The following CRTAC1 variants were observed in gnomAD, a reference collection of about 807,000 sequenced individuals.
CRTAC1 encodes acidic secreted protein in cartilage.
A neutral mutation model predicts 67.8 loss-of-function variants in CRTAC1; 37 were observed. The ratio of observed to expected loss-of-function variants is 0.55; its 90% CI spans 0.42 to 0.72. The LOEUF (loss-of-function observed/expected upper bound fraction) is 0.72, where lower values mean the gene tolerates loss of function less well. Among genes scored for constraint, CRTAC1 ranks in the 30% least tolerant of loss-of-function variants. CRTAC1 has a pLI of 0.00. For missense variants in CRTAC1, 780 were observed against 931.6 expected (o/e 0.84, Z 2.12); for synonymous variants, 348 against 371.0 (o/e 0.94, Z 0.71).
chr10:98,016,428 G>A (rs1842999360), intron 1 of CRTAC1, among the ~76,000 whole-genome samples: 1 of 152,168 alleles, frequency 6.6e-6, no homozygotes, highest in South Asian at 2.1e-4. Context: ...CTAAAGAAAT[G>A]CTCCTCAAAA....
At chr10:97,979,675 C>A (rs2051861399) in intron 2 of CRTAC1, among the ~76,000 whole-genome samples, 1 of 152,112 alleles carries the variant, frequency 6.6e-6, no homozygotes, top group Non-Finnish European at 1.5e-5. Context: ...GGTTCTCAGC[C>A]CTGGCTGCAC....
At chr10:97,885,779 T>G (rs1293001510) in intron 11 of CRTAC1, among the ~76,000 whole-genome samples, 1 of 152,206 alleles carries the variant, frequency 6.6e-6, no homozygotes, top group East Asian at 1.9e-4. Flanking sequence ...GCTGAGCAGA[T>G]GTGGGGACAC....
rs377764920 is a variant in CRTAC1, at chr10:97,875,532, C to T, written c.1819+4717G>A. Among the ~76,000 whole-genome samples, 93 of 152,326 alleles carry T rather than the reference C, an allele frequency of 6.1e-4. 1 individual carries two copies. In the South Asian group the frequency reaches 0.019, roughly 31 times the overall value. On this transcript the variant is annotated intron_variant, in intron 14 of 14. Transcript: ENST00000370597. ...CCTTCCTTCCAGGATATGCCTGTTG[C>T]TACAGACACAACAGCAACTTCTGGC...
chr10:97,986,642 C>T (rs1384240933), intron 2 of CRTAC1, among the ~76,000 whole-genome samples: 3 of 152,180 alleles, frequency 2.0e-5, no homozygotes, highest in Non-Finnish European at 2.9e-5. Flanking sequence ...AAAAATCAGT[C>T]CTTTAAATAA....
chr10:97,928,738 C>G (rs944540665), intron 3 of CRTAC1, among the ~76,000 whole-genome samples: 2 of 152,116 alleles, frequency 1.3e-5, no homozygotes, highest in East Asian at 3.9e-4. Context: ...GTAACAACAG[C>G]AATGCACTCT....
At chr10:98,004,589 G>A (rs770051172) in intron 2 of CRTAC1, among the ~76,000 whole-genome samples, 1 of 152,002 alleles carries the variant, frequency 6.6e-6, no homozygotes, top group Non-Finnish European at 1.5e-5. Flanking sequence ...AGAAATATTT[G>A]CATATGTGTG....
At chr10:97,897,481 C>A (rs2050477882) in intron 8 of CRTAC1, among the ~76,000 whole-genome samples, 1 of 152,174 alleles carries the variant, frequency 6.6e-6, no homozygotes. Context: ...ATCTGATCTC[C>A]CCTGGTAGAA....
At chr10:97,896,103 A>G in intron 9 of CRTAC1, 118 bp from the exon 10 acceptor site, 1 of 842,480 alleles carries the variant, frequency 1.2e-6, no homozygotes, top group Non-Finnish European at 1.9e-6. Context: ...AAAGCACAGC[A>G]CCGGGGCAGG....
intron 6 of CRTAC1, 25 bp from the exon 7 acceptor site, chr10:97,904,839 C>T (rs760335470): frequency 4.9e-5 from 78 of 1,584,154 alleles, no homozygotes; most frequent in Non-Finnish European, 6.2e-5. Flanking sequence ...CAGGAACTCT[C>T]AGGGCGGCAT....
At chr10:97,919,737 T>C (rs969596166) in intron 4 of CRTAC1, among the ~76,000 whole-genome samples, 4 of 147,928 alleles carry the variant, frequency 2.7e-5, no homozygotes, top group Non-Finnish European at 4.4e-5. Flanking sequence ...CTGTGCAAAA[T>C]TGGAGTTTGA....
chr10:97,873,248 G>GA (rs572584639), intron 14 of CRTAC1, among the ~76,000 whole-genome samples: 118 of 152,306 alleles, frequency 7.7e-4, no homozygotes, highest in Admixed American at 1.5e-3. Flanking sequence ...AAGGACAGTT[G>GA]AAAGGAAGGG....
At chr10:97,972,930 T>G (rs2136654935) in intron 2 of CRTAC1, among the ~76,000 whole-genome samples, 1 of 152,162 alleles carries the variant, frequency 6.6e-6, no homozygotes, top group African/African-American at 2.4e-5. Flanking sequence ...CTCTCTGAAA[T>G]GGAATGTGTC....
At chr10:97,965,141 G>A (rs774665104) in intron 2 of CRTAC1, among the ~76,000 whole-genome samples, 2 of 152,240 alleles carry the variant, frequency 1.3e-5, no homozygotes, top group African/African-American at 2.4e-5. Context: ...AAAGAGACCT[G>A]TAGTCAGGAG....
At chr10:97,923,146 C>T in intron 4 of CRTAC1, 118 bp downstream of exon 4, 2 of 1,154,868 alleles carry the variant, frequency 1.7e-6, no homozygotes, top group Non-Finnish European at 2.5e-6. Flanking sequence ...GTATTTAGCA[C>T]CCAATCTATC....
At chr10:97,881,028 G>GC (rs1211252622) in intron 13 of CRTAC1, among the ~76,000 whole-genome samples, 1 of 152,050 alleles carries the variant, frequency 6.6e-6, no homozygotes, top group Non-Finnish European at 1.5e-5. Flanking sequence ...CCAATTTCCT[G>GC]CCATCGTGAC....
intron 1 of CRTAC1, among the ~76,000 whole-genome samples, chr10:98,018,177 G>A (rs983882637): frequency 1.5e-5 from 2 of 133,096 alleles, no homozygotes; most frequent in Admixed American, 8.1e-5. Context: ...ATTCCAGTCT[G>A]GGTGACAGAG....
chr10:97,986,913 G>A (rs12411466), intron 2 of CRTAC1, among the ~76,000 whole-genome samples: 3,288 of 152,212 alleles, frequency 0.022, 108 homozygotes, highest in African/African-American at 0.074. Flanking sequence ...CATCTCCTTC[G>A]TAAATAAGAT....
chr10:97,963,776 A>G, intron 2 of CRTAC1, among the ~76,000 whole-genome samples: 1 of 152,224 alleles, frequency 6.6e-6, no homozygotes. Flanking sequence ...GGTAAACACC[A>G]TGTATTGATA....
intron 2 of CRTAC1, among the ~76,000 whole-genome samples, chr10:97,997,451 CAAAAA>C (rs746635057): frequency 1.9e-4 from 9 of 48,232 alleles, no homozygotes; most frequent in Non-Finnish European, 3.7e-4. Flanking sequence ...GACTCTGTCT[CAAAAA>C]AAAAAAAAAA....
Sources: allele counts gnomAD v4.1 joint callset (sites outside exome capture counted in the v4.1 genomes callset), GRCh38; gene constraint gnomAD v4.1.1; transcripts MANE v1.5; gene names NCBI Gene and HGNC (gene_info 2026-07-23, HGNC 2026-07-21).